RTN1: variants seen among roughly 807,000 people sequenced by gnomAD.
RTN1 encodes reticulon-1.
In RTN1, 25 loss-of-function variants were observed where a neutral mutation model predicts 65.5. The observed-to-expected ratio is 0.38, with a 90% CI of 0.28 to 0.53. RTN1 has a LOEUF of 0.53. RTN1 is among the 20% of genes least tolerant of loss of function. The pLI, the probability that RTN1 is intolerant of heterozygous loss-of-function variation, is 0.79. For synonymous variants in RTN1, 471 were observed against 447.6 expected (o/e 1.05, Z -0.66); for missense variants, 983 against 1,025.4 (o/e 0.96, Z 0.57).
At chr14:59,703,365 T>A (rs1884221056) in intron 3 of RTN1, among the ~76,000 whole-genome samples, 1 of 152,128 alleles carries the variant, frequency 6.6e-6, no homozygotes, top group Non-Finnish European at 1.5e-5. Flanking sequence ...ATCAATGAGT[T>A]CTCACTCTGA....
At chr14:59,818,929 A>T (rs189276806) in intron 1 of RTN1, among the ~76,000 whole-genome samples, 2 of 152,260 alleles carry the variant, frequency 1.3e-5, no homozygotes, top group Admixed American at 1.3e-4. Flanking sequence ...GAAGACGCGG[A>T]CCTTCGCGGT....
chr14:59,821,988 T>A (rs1886951696), intron 1 of RTN1, among the ~76,000 whole-genome samples: 1 of 152,194 alleles, frequency 6.6e-6, no homozygotes. Context: ...ATTCACTGTG[T>A]CTCTGACAGG....
At chr14:59,615,749 T>C (rs1183650229) in intron 3 of RTN1, among the ~76,000 whole-genome samples, 2 of 152,112 alleles carry the variant, frequency 1.3e-5, no homozygotes, top group Non-Finnish European at 2.9e-5. Flanking sequence ...TGTTAAAAGA[T>C]AATAAAAAGG....
intron 3 of RTN1, among the ~76,000 whole-genome samples, chr14:59,642,677 T>C (rs1190524663): frequency 6.6e-6 from 1 of 152,210 alleles, no homozygotes; most frequent in Admixed American, 6.5e-5. Flanking sequence ...ATAGTTTCCA[T>C]GTCTCTGTTG....
At chr14:59,814,408 C>G (rs1363888532) in intron 1 of RTN1, among the ~76,000 whole-genome samples, 1 of 152,136 alleles carries the variant, frequency 6.6e-6, no homozygotes, top group Non-Finnish European at 1.5e-5. Context: ...TGATGTCAAC[C>G]ATTTCCTAGA....
At chr14:59,754,505 C>A (rs1335862128) in intron 1 of RTN1, among the ~76,000 whole-genome samples, 1 of 152,200 alleles carries the variant, frequency 6.6e-6, no homozygotes, top group Non-Finnish European at 1.5e-5. Flanking sequence ...GGCTCTACCA[C>A]TAACTGGCAG....
intron 3 of RTN1, among the ~76,000 whole-genome samples, chr14:59,663,643 A>ACC (rs1883299884): frequency 2.4e-5 from 3 of 126,020 alleles, no homozygotes; most frequent in African/African-American, 9.7e-5. Flanking sequence ...CAAGAAAAAA[A>ACC]AAACCATCAA....
chr14:59,677,298 G>T (rs1202473065), intron 3 of RTN1, among the ~76,000 whole-genome samples: 1 of 152,198 alleles, frequency 6.6e-6, no homozygotes, highest in Non-Finnish European at 1.5e-5. Flanking sequence ...CCTTGAACAG[G>T]CAGAGGCTCT....
At chr14:59,747,083 T>A (rs1315924525) in intron 1 of RTN1, among the ~76,000 whole-genome samples, 3 of 152,200 alleles carry the variant, frequency 2.0e-5, no homozygotes, top group Non-Finnish European at 4.4e-5. Context: ...ATCACCCTAA[T>A]GGTGTGCTTC....
chr14:59,770,504 G>C (rs1885935381), intron 1 of RTN1, among the ~76,000 whole-genome samples: 1 of 151,628 alleles, frequency 6.6e-6, no homozygotes, highest in Non-Finnish European at 1.5e-5. Context: ...GGCCAGTTCA[G>C]TATTCTCAGA....
chr14:59,677,483 A>G (rs2140219362), intron 3 of RTN1, among the ~76,000 whole-genome samples: 1 of 152,336 alleles, frequency 6.6e-6, no homozygotes, highest in African/African-American at 2.4e-5. Flanking sequence ...AGCCATGAGG[A>G]GAGATTTATG....
chr14:59,780,541 A>G (rs898688736), intron 1 of RTN1, among the ~76,000 whole-genome samples: 6 of 152,224 alleles, frequency 3.9e-5, no homozygotes, highest in Admixed American at 3.9e-4. Context: ...AAGAAAAAAT[A>G]TGGAGCATAA....
intron 3 of RTN1, among the ~76,000 whole-genome samples, chr14:59,620,776 C>A (rs10148599): frequency 0.11 from 16,515 of 152,038 alleles, 1,873 homozygotes; most frequent in African/African-American, 0.3. Flanking sequence ...GAATTAGATG[C>A]TGAATGTTCT....
At chr14:59,630,815 G>C in intron 3 of RTN1, 1 of 1,019,916 alleles carries the variant, frequency 9.8e-7, no homozygotes, top group Non-Finnish European at 1.2e-6. Flanking sequence ...AAGCGGTTCT[G>C]GCCGCGAAGG....
At chr14:59,850,223 T>C (rs1887480512) in intron 1 of RTN1, among the ~76,000 whole-genome samples, 1 of 152,242 alleles carries the variant, frequency 6.6e-6, no homozygotes, top group East Asian at 1.9e-4. Context: ...TACATCCTCA[T>C]AAACCAGTCA....
At chr14:59,862,282 G>A (rs1451807085) in intron 1 of RTN1, among the ~76,000 whole-genome samples, 2 of 152,102 alleles carry the variant, frequency 1.3e-5, no homozygotes, top group Non-Finnish European at 2.9e-5. Flanking sequence ...ATCCATTAGC[G>A]TCTGGTTTAC....
chr14:59,750,312 TA>T (rs1885455463), intron 1 of RTN1, among the ~76,000 whole-genome samples: 1 of 57,144 alleles, frequency 1.7e-5, no homozygotes, highest in Non-Finnish European at 2.9e-5. Context: ...ATATAATATA[TA>T]ATATCTATAA....
In RTN1 at chr14:59,868,780, A is replaced by C. The variant is rs1174305608; in HGVS notation, c.241+1610T>G. 1.3e-5 allele frequency among the ~76,000 whole-genome samples: 2 copies of C among 152,242 alleles called. No homozygotes were observed. The highest frequency in any genetic ancestry group is 2.9e-5 in the Non-Finnish European group (2 of 68,042). ...AGGAGGTGGGTAATGTTTCATAAAG[A>C]AACAATTTACTTTGATTACAGTGGA... On this transcript the variant is annotated intron_variant, in intron 1 of 8. Transcript: ENST00000267484. This position sits in a 1 kb window ranked among gnomAD's most constrained non-coding sequence, Gnocchi z 4.0.
At chr14:59,804,612 G>T (rs2139604966) in intron 1 of RTN1, among the ~76,000 whole-genome samples, 1 of 152,314 alleles carries the variant, frequency 6.6e-6, no homozygotes, top group Non-Finnish European at 1.5e-5. Context: ...ATGAAAGATT[G>T]TTCACATCCT....
Sources: allele counts gnomAD v4.1 joint callset (sites outside exome capture counted in the v4.1 genomes callset), GRCh38; gene constraint gnomAD v4.1.1; non-coding constraint Gnocchi (gnomAD v3.1); transcripts MANE v1.5; gene names NCBI Gene and HGNC (gene_info 2026-07-23, HGNC 2026-07-21).